The following RLIG1 variants were observed in gnomAD, a reference collection of about 807,000 sequenced individuals.
RLIG1 encodes the protein RNA ligase 1.
At chr12:88,044,070 T>C in the RLIG1 span, 2 of 233,484 alleles carry the variant, frequency 8.6e-6, no homozygotes, top group African/African-American at 4.7e-5. Context: ...CTAGGAGTTT[T>C]AAGACTAACC....
At chr12:88,048,673 C>A in the RLIG1 span, 1 of 271,922 alleles carries the variant, frequency 3.7e-6, no homozygotes, top group Non-Finnish European at 6.8e-6. Context: ...ATTCTCTTCA[C>A]TATAACTGAG....
chr12:88,048,114 A>C, the RLIG1 span: 1,375 of 619,954 alleles, frequency 2.2e-3, 23 homozygotes, highest in African/African-American at 0.024. Context: ...ATAAAAAAAA[A>C]AACAGTAAGA....
At chr12:88,046,944 G>A in the RLIG1 span, 7 of 1,611,712 alleles carry the variant, frequency 4.3e-6, no homozygotes, top group Non-Finnish European at 5.9e-6. Flanking sequence ...TGAAGGAATA[G>A]TGTGGCATTG....
chr12:88,043,416 A>G, the RLIG1 span, among the ~76,000 whole-genome samples: 12 of 152,240 alleles, frequency 7.9e-5, no homozygotes, highest in South Asian at 2.5e-3. Flanking sequence ...ATGAAATTGA[A>G]TATTTAAATT....
At chr12:88,046,181 A>G in the RLIG1 span, among the ~76,000 whole-genome samples, 6 of 152,270 alleles carry the variant, frequency 3.9e-5, no homozygotes, top group South Asian at 2.1e-4. Context: ...ATCAAAATAT[A>G]TATCATGATG....
At chr12:88,045,849 T>G in the RLIG1 span, 1 of 1,210,618 alleles carries the variant, frequency 8.3e-7, no homozygotes, top group South Asian at 1.4e-5. Flanking sequence ...TAGGTCAACT[T>G]AAAAAACATA....
the RLIG1 span, among the ~76,000 whole-genome samples, chr12:88,047,497 A>G: frequency 6.6e-6 from 1 of 152,148 alleles, no homozygotes; most frequent in Non-Finnish European, 1.5e-5. Flanking sequence ...AAACTTGGAT[A>G]TTAATTTTAA....
At chr12:88,042,956 T>A in the RLIG1 span, 7 of 1,313,066 alleles carry the variant, frequency 5.3e-6, no homozygotes, top group Admixed American at 1.7e-4. Context: ...TTTAAATAGC[T>A]GAAATTTGTG....
At chr12:88,042,082 C>T in the RLIG1 span, 1 of 152,106 alleles carries the variant, frequency 6.6e-6, no homozygotes, top group African/African-American at 2.4e-5. Flanking sequence ...ATGGAGAGGC[C>T]AAGTAAAAGC....
chr12:88,046,725 AGACTTTATTT>A, the RLIG1 span: 1 of 1,296,042 alleles, frequency 7.7e-7, no homozygotes, highest in South Asian at 1.5e-5. Flanking sequence ...GTGTTTCAAA[AGACTTTATTT>A]GAAGAGGTAC....
the RLIG1 span, chr12:88,043,865 A>G: frequency 1.6e-6 from 1 of 635,846 alleles, no homozygotes; most frequent in Non-Finnish European, 2.7e-6. Flanking sequence ...AAAGTCCTAC[A>G]TACATTTTAT....
the RLIG1 span, chr12:88,048,425 T>C: frequency 5.9e-5 from 79 of 1,345,586 alleles, no homozygotes; most frequent in African/African-American, 9.0e-4. Context: ...ATGTATAAAA[T>C]GCAAATAAAA....
chr12:88,043,807 G>A, the RLIG1 span: 1 of 887,522 alleles, frequency 1.1e-6, no homozygotes, highest in Admixed American at 2.4e-5. Context: ...TTTTAATCTG[G>A]GTCTTCATTA....
chr12:88,036,204 A>G, the RLIG1 span: 3 of 558,008 alleles, frequency 5.4e-6, no homozygotes, highest in African/African-American at 5.9e-5. Context: ...AGGTCACTGA[A>G]GTTCACACCT....
At chr12:88,035,745 AG>A in the RLIG1 span, 1 of 1,589,102 alleles carries the variant, frequency 6.3e-7, no homozygotes, top group Non-Finnish European at 8.6e-7. Flanking sequence ...TCAGGTACGG[AG>A]GAGCGCCGGG....
the RLIG1 span, among the ~76,000 whole-genome samples, chr12:88,037,983 T>C: frequency 6.6e-6 from 1 of 152,094 alleles, no homozygotes; most frequent in Non-Finnish European, 1.5e-5. Context: ...AGCTGACTAC[T>C]GATAAAGCTG....
chr12:88,044,861 AT>A, the RLIG1 span: 15 of 152,442 alleles, frequency 9.8e-5, no homozygotes, highest in Admixed American at 3.9e-4. Context: ...GGTATATGAC[AT>A]CATGAAGTGG....
the RLIG1 span, among the ~76,000 whole-genome samples, chr12:88,046,321 TA>T: frequency 6.6e-6 from 1 of 152,102 alleles, no homozygotes; most frequent in African/African-American, 2.4e-5. Flanking sequence ...CTGCCAGGTG[TA>T]AAGAAGCTAA....
the RLIG1 span, among the ~76,000 whole-genome samples, chr12:88,036,626 G>A: frequency 6.6e-6 from 1 of 152,196 alleles, no homozygotes; most frequent in Non-Finnish European, 1.5e-5. Flanking sequence ...ATCATTTCAT[G>A]CCAGTTTTCC....
Sources: allele counts gnomAD v4.1 joint callset (sites outside exome capture counted in the v4.1 genomes callset), GRCh38; gene constraint gnomAD v4.1.1; transcripts MANE v1.5; gene names NCBI Gene and HGNC (gene_info 2026-07-23, HGNC 2026-07-21).